Variants in SORBS2 observed in about 807,000 individuals in gnomAD.
SORBS2 encodes sorbin and SH3 domain containing 2.
In SORBS2, 46 loss-of-function variants were observed where a neutral mutation model predicts 97.7. That is an observed-to-expected ratio of 0.47 (90% CI 0.37 to 0.60). SORBS2 has a LOEUF of 0.60. Among genes scored for constraint, SORBS2 ranks in the 20% least tolerant of loss-of-function variants. SORBS2 has a pLI of 0.00. For synonymous variants in SORBS2, 476 were observed against 473.4 expected, an observed-to-expected ratio of 1.01 and a Z score of -0.07; for missense variants, 1,316 against 1,282.3, an observed-to-expected ratio of 1.03 and a Z score of -0.40.
chr4:185,643,866 G>A lies in SORBS2; in HGVS notation c.396+2802C>T, dbSNP rs145400792. On this transcript the variant is annotated intron_variant, in intron 4 of 14. Coordinates refer to ENST00000418609, the Ensembl canonical transcript of SORBS2. The stretch of plus-strand genomic sequence containing the variant: ...GAATAAGACCTTGATACCCCTCAGC[G>A]CTGGCCATCGCTGCGACGCCACTCT... Among the ~76,000 whole-genome samples the A allele has an allele frequency of 2.4e-3, 359 of 152,228 alleles. 2 individuals are homozygous for A. The highest frequency in any genetic ancestry group is 8.2e-3 in the African/African-American group (341 of 41,546).
intron 2 of SORBS2, among the ~76,000 whole-genome samples, chr4:185,686,039 G>T (rs920336825): frequency 2.0e-5 from 3 of 151,896 alleles, no homozygotes; most frequent in African/African-American, 7.3e-5. Context: ...CTGTAATATG[G>T]CATGGCAATA....
At chr4:185,806,262 T>C (rs1251712442) in intron 1 of SORBS2, among the ~76,000 whole-genome samples, 1 of 152,202 alleles carries the variant, frequency 6.6e-6, no homozygotes, top group African/African-American at 2.4e-5. Flanking sequence ...GACTTCTGTT[T>C]AGAGGAGACT....
intron 1 of SORBS2, among the ~76,000 whole-genome samples, chr4:185,861,846 C>T (rs768208388): frequency 2.6e-5 from 4 of 152,148 alleles, no homozygotes; most frequent in Non-Finnish European, 5.9e-5. Context: ...ATCCACTTGC[C>T]TCAGTCTCCC....
At chr4:185,890,947 A>T (rs2099242163) in intron 1 of SORBS2, among the ~76,000 whole-genome samples, 1 of 122,290 alleles carries the variant, frequency 8.2e-6, no homozygotes, top group South Asian at 2.8e-4. Context: ...GATAGTAAAT[A>T]TTGAATGAAT....
At chr4:185,795,003 C>A (rs1411979296) in intron 1 of SORBS2, among the ~76,000 whole-genome samples, 1 of 152,078 alleles carries the variant, frequency 6.6e-6, no homozygotes, top group Non-Finnish European at 1.5e-5. Context: ...TCACAGTAGG[C>A]AAGAGTGTTC....
chr4:185,743,845 C>T (rs2098742327), intron 2 of SORBS2, among the ~76,000 whole-genome samples: 2 of 151,060 alleles, frequency 1.3e-5, no homozygotes, highest in East Asian at 3.9e-4. Context: ...TCCTCCTCCT[C>T]CTCCTTCTAT....
chr4:185,937,437 C>G (rs889537021), intron 1 of SORBS2, among the ~76,000 whole-genome samples: 12 of 152,278 alleles, frequency 7.9e-5, no homozygotes, highest in African/African-American at 2.9e-4. Context: ...GATTTTTGCT[C>G]TTTATTGACA....
At chr4:185,624,214 C>G (rs1357841199) in exon 7 of SORBS2, 2 of 1,614,120 alleles carry the variant, frequency 1.2e-6, no homozygotes, top group African/African-American at 2.7e-5. Flanking sequence ...TGCTTTCCGA[C>G]TTGACTTTCG....
chr4:185,676,324 T>A (rs937819216), intron 4 of SORBS2, among the ~76,000 whole-genome samples: 6 of 152,218 alleles, frequency 3.9e-5, no homozygotes, highest in African/African-American at 1.4e-4. Flanking sequence ...TAGCACTACA[T>A]TGTTCTATGG....
At chr4:185,839,139 G>A (rs2099209993) in intron 1 of SORBS2, among the ~76,000 whole-genome samples, 1 of 152,172 alleles carries the variant, frequency 6.6e-6, no homozygotes, top group Admixed American at 6.5e-5. Context: ...CAGTAACGGT[G>A]GGACTTATGC....
At chr4:185,649,789 G>A (rs796545445) in intron 2 of SORBS2, 133 bp from the exon 12 acceptor site, 10 of 453,770 alleles carry the variant, frequency 2.2e-5, no homozygotes, top group African/African-American at 2.0e-4. Flanking sequence ...TATTCATAAT[G>A]CATACATTAG....
intron 2 of SORBS2, among the ~76,000 whole-genome samples, chr4:185,752,238 T>C (rs1482512879): frequency 6.6e-6 from 1 of 152,222 alleles, no homozygotes; most frequent in Non-Finnish European, 1.5e-5. Flanking sequence ...GTTAGAATTT[T>C]AAAATATGTA....
chr4:185,704,851 G>C (rs2098320311), intron 2 of SORBS2, among the ~76,000 whole-genome samples: 1 of 152,222 alleles, frequency 6.6e-6, no homozygotes, highest in African/African-American at 2.4e-5. Context: ...GCACAGGTCA[G>C]ATATAGGTTA....
chr4:185,841,702 C>T (rs1205219225), intron 1 of SORBS2, among the ~76,000 whole-genome samples: 3 of 152,164 alleles, frequency 2.0e-5, no homozygotes, highest in Admixed American at 6.5e-5. Context: ...ACAGGTGAGA[C>T]CTTTGGTAAA....
At chr4:185,612,023 A>C (rs750677648) in intron 11 of SORBS2, 43 bp from the exon 24 acceptor site, 20 of 1,262,752 alleles carry the variant, frequency 1.6e-5, no homozygotes, top group Non-Finnish European at 2.3e-5. Context: ...CAGAGATAGA[A>C]TAACATGAAA....
intron 12 of SORBS2, among the ~76,000 whole-genome samples, chr4:185,597,929 A>C (rs1313235231): frequency 6.6e-6 from 1 of 152,174 alleles, no homozygotes; most frequent in African/African-American, 2.4e-5. Flanking sequence ...TGTTTTCCTA[A>C]CCATGTTCTT....
intron 1 of SORBS2, among the ~76,000 whole-genome samples, chr4:185,823,218 T>C (rs897037768): frequency 6.6e-6 from 1 of 152,186 alleles, no homozygotes. Context: ...CTCAAAATCA[T>C]CTTTGGAGAA....
At chr4:185,877,867 C>CAAAAAAAAA (rs1491116547) in intron 1 of SORBS2, among the ~76,000 whole-genome samples, 3,695 of 49,624 alleles carry the variant, frequency 0.074, 248 homozygotes, top group Non-Finnish European at 0.11. Context: ...GAGACTCTGT[C>CAAAAAAAAA]AAAAAACAAA....
intron 13 of SORBS2, 37 bp downstream of exon 25, chr4:185,593,849 G>A (rs745646492): frequency 2.1e-6 from 3 of 1,406,074 alleles, no homozygotes; most frequent in Non-Finnish European, 3.0e-6. Context: ...GTGGGTCAAG[G>A]TTAGTCTCAA....
Sources: allele counts gnomAD v4.1 joint callset (sites outside exome capture counted in the v4.1 genomes callset), GRCh38; gene constraint gnomAD v4.1.1; transcripts MANE v1.5; gene names NCBI Gene and HGNC (gene_info 2026-07-23, HGNC 2026-07-21).